Variants in PRH1 observed in about 807,000 individuals in gnomAD.
PRH1 encodes salivary acidic proline-rich phosphoprotein 1/2.
In PRH1, 7 loss-of-function variants were observed where a neutral mutation model predicts 7.9. The observed-to-expected ratio is 0.89, with a 90% CI of 0.50 to 1.67. The LOEUF is 1.67. Ranked by LOEUF, PRH1 falls within the 40% of genes most tolerant of loss-of-function variation. PRH1 has a pLI of 0.00. For synonymous variants in PRH1, 45 were observed against 80.8 expected (o/e 0.56, Z 2.38); for missense variants, 109 against 223.6 (o/e 0.49, Z 3.27).
chr12:11,016,720 C>A (rs887011996), intron 1 of PRH1, among the ~76,000 whole-genome samples: 6 of 119,996 alleles, frequency 5.0e-5, no homozygotes, highest in Non-Finnish European at 7.4e-5. Context: ...ATCAGTTTGC[C>A]GTTATTGCCT....
intron 2 of PRH1, among the ~76,000 whole-genome samples, chr12:10,968,921 C>T (rs371088985): frequency 2.6e-5 from 4 of 152,354 alleles, no homozygotes; most frequent in East Asian, 3.9e-4. Flanking sequence ...TCAGTGGGCC[C>T]TTTGCCTTTT....
At chr12:10,978,805 A>C (rs993530104) in intron 1 of PRH1, among the ~76,000 whole-genome samples, 1 of 152,222 alleles carries the variant, frequency 6.6e-6, no homozygotes, top group East Asian at 1.9e-4. Context: ...GCCAACAAGC[A>C]TATGAAAAAA....
intron 1 of PRH1, among the ~76,000 whole-genome samples, chr12:11,084,142 G>T (rs1944597285): frequency 7.8e-6 from 1 of 127,782 alleles, no homozygotes; most frequent in Non-Finnish European, 1.8e-5. Flanking sequence ...AACAGGAACT[G>T]TGTTAGGATT....
intron 2 of PRH1, among the ~76,000 whole-genome samples, chr12:10,970,247 AAT>A (rs1215395623): frequency 9.8e-5 from 15 of 152,312 alleles, no homozygotes; most frequent in African/African-American, 3.6e-4. Flanking sequence ...ATAGCAACAA[AAT>A]ATTTTTTCCA....
At chr12:11,124,755 T>C (rs566341938) in intron 1 of PRH1, among the ~76,000 whole-genome samples, 8 of 152,220 alleles carry the variant, frequency 5.3e-5, no homozygotes, top group Non-Finnish European at 8.8e-5. Flanking sequence ...AAAGGGAGAA[T>C]GTTATTTGAT....
In PRH1 at chr12:10,939,009, A is replaced by T. The variant is rs140545738; in HGVS notation, c.-59+34646T>A. On this transcript the variant is annotated intron_variant, in intron 2 of 3. Coordinates refer to the PRH1 transcript ENST00000539853. ...AAAGCTGGGAAAAACACAGACACAC[A>T]CCAGCTTCCGAATATTAACCAAACC... The T allele has an allele frequency of 8.5e-4, 1,370 of 1,613,668 alleles. 10 individuals carry two copies. In the African/African-American group the frequency reaches 0.016, roughly 19 times the overall value.
At chr12:10,924,203 G>A (rs1218619390) in intron 2 of PRH1, among the ~76,000 whole-genome samples, 1 of 151,858 alleles carries the variant, frequency 6.6e-6, no homozygotes, top group Non-Finnish European at 1.5e-5. Context: ...TAGCCAGGAT[G>A]GTCTCCATCT....
intron 1 of PRH1, among the ~76,000 whole-genome samples, chr12:11,057,343 T>C (rs1380463562): frequency 6.6e-6 from 1 of 152,196 alleles, no homozygotes; most frequent in African/African-American, 2.4e-5. Flanking sequence ...GAGTTTTGTC[T>C]CATGTCCATC....
intron 2 of PRH1, among the ~76,000 whole-genome samples, chr12:10,958,088 T>C (rs1382153930): frequency 6.6e-6 from 1 of 152,162 alleles, no homozygotes; most frequent in African/African-American, 2.4e-5. Flanking sequence ...TATAAATTGT[T>C]CTACCATAAA....
chr12:11,099,354 T>C (rs910126675), intron 1 of PRH1, among the ~76,000 whole-genome samples: 2 of 147,830 alleles, frequency 1.4e-5, no homozygotes, highest in African/African-American at 4.8e-5. Flanking sequence ...CCAGACTAAA[T>C]TGGCCAAACT....
chr12:11,157,118 T>A (rs909160867), intron 1 of PRH1, among the ~76,000 whole-genome samples: 24 of 152,182 alleles, frequency 1.6e-4, no homozygotes, highest in Non-Finnish European at 1.5e-5. Flanking sequence ...AGTGCTGGGA[T>A]TACCCACACT....
intron 2 of PRH1, among the ~76,000 whole-genome samples, chr12:10,928,275 T>G (rs1254822421): frequency 6.6e-6 from 1 of 152,142 alleles, no homozygotes; most frequent in Non-Finnish European, 1.5e-5. Flanking sequence ...AGAAGACCAA[T>G]CAAGGCATTT....
At chr12:10,926,571 G>A (rs1029632140) in intron 2 of PRH1, among the ~76,000 whole-genome samples, 15 of 152,174 alleles carry the variant, frequency 9.9e-5, no homozygotes, top group African/African-American at 3.6e-4. Flanking sequence ...TCTGATTGTC[G>A]TGAGGGAACT....
At chr12:10,930,537 G>T (rs1950190299) in intron 2 of PRH1, 2 of 1,522,128 alleles carry the variant, frequency 1.3e-6, no homozygotes, top group African/African-American at 2.8e-5. Context: ...TTGGGAAGGG[G>T]GGAGGTTGGG....
chr12:10,952,440 T>C (rs1398746298), intron 2 of PRH1, among the ~76,000 whole-genome samples: 2 of 152,172 alleles, frequency 1.3e-5, no homozygotes, highest in Non-Finnish European at 2.9e-5. Context: ...TCCAAAAATA[T>C]GCCTGGAAAT....
At chr12:10,929,195 G>T (rs889110554) in intron 2 of PRH1, 189 of 1,603,258 alleles carry the variant, frequency 1.2e-4, no homozygotes, top group Non-Finnish European at 1.5e-4. Flanking sequence ...ATGCGCCATT[G>T]TCCTGCTTGT....
At chr12:11,157,365 C>T (rs1243682235) in intron 1 of PRH1, among the ~76,000 whole-genome samples, 1 of 152,118 alleles carries the variant, frequency 6.6e-6, no homozygotes, top group Non-Finnish European at 1.5e-5. Flanking sequence ...TTTAAGTAGT[C>T]CTTTTACTCT....
chr12:10,987,299 G>A (rs1472181486), intron 1 of PRH1, among the ~76,000 whole-genome samples: 2 of 152,024 alleles, frequency 1.3e-5, no homozygotes, highest in Non-Finnish European at 2.9e-5. Flanking sequence ...CGAGTCCATC[G>A]TTCATACAGT....
At chr12:10,953,142 G>A (rs1010256096) in intron 2 of PRH1, among the ~76,000 whole-genome samples, 3 of 151,868 alleles carry the variant, frequency 2.0e-5, no homozygotes, top group Non-Finnish European at 4.4e-5. Flanking sequence ...TCCAAAGAAT[G>A]GCAACTTCGA....
Sources: gnomAD v4.1 joint callset for allele counts (sites outside exome capture counted in the v4.1 genomes callset) on GRCh38, gnomAD v4.1.1 for gene constraint, MANE v1.5 for transcripts, NCBI Gene and HGNC (gene_info 2026-07-23, HGNC 2026-07-21) for gene names.